Variants in CDKAL1 observed in about 807,000 individuals in gnomAD.
CDKAL1 encodes CDKAL1 threonylcarbamoyladenosine tRNA methylthiotransferase.
Under a neutral mutation model 68.2 loss-of-function variants are expected in CDKAL1, and 32 were observed. The observed-to-expected ratio is 0.47, with a 90% confidence interval of 0.35 to 0.63. CDKAL1 has a LOEUF of 0.63. Ranked by LOEUF, CDKAL1 falls within the 30% of genes least tolerant of loss-of-function variation. CDKAL1 has a pLI of 0.00. For synonymous variants in CDKAL1, 234 were observed against 244.3 expected, an observed-to-expected ratio of 0.96 and a Z score of 0.39; for missense variants, 606 against 696.7, an observed-to-expected ratio of 0.87 and a Z score of 1.47.
intron 8 of CDKAL1, among the ~76,000 whole-genome samples, chr6:20,785,522 A>C (rs1775635174): frequency 6.6e-6 from 1 of 151,956 alleles, no homozygotes; most frequent in Non-Finnish European, 1.5e-5. Context: ...TATATTGGCC[A>C]GGCTGGTCTC....
chr6:20,817,901 A>G (rs1273103102), intron 8 of CDKAL1, among the ~76,000 whole-genome samples: 1 of 152,186 alleles, frequency 6.6e-6, no homozygotes, highest in Admixed American at 6.6e-5. Context: ...GGAATGCTTT[A>G]TGATAATAAT....
intron 13 of CDKAL1, among the ~76,000 whole-genome samples, chr6:21,115,887 T>G (rs1003009549): frequency 2.6e-5 from 4 of 152,182 alleles, no homozygotes; most frequent in South Asian, 4.1e-4. Context: ...GTATCTTCCC[T>G]CTCAAAGTGA....
At chr6:20,941,464 C>T (rs1483615449) in intron 9 of CDKAL1, among the ~76,000 whole-genome samples, 2 of 152,148 alleles carry the variant, frequency 1.3e-5, no homozygotes, top group Admixed American at 6.5e-5. Flanking sequence ...GTCTGTTAAC[C>T]TTTCTGTCAC....
chr6:20,685,277 C>T (rs1770566061), intron 5 of CDKAL1, among the ~76,000 whole-genome samples: 1 of 152,192 alleles, frequency 6.6e-6, no homozygotes, highest in Non-Finnish European at 1.5e-5. Context: ...CATCATATTG[C>T]TTTCGCTCCT....
At chr6:21,142,196 C>T (rs750856186) in intron 13 of CDKAL1, among the ~76,000 whole-genome samples, 1 of 152,092 alleles carries the variant, frequency 6.6e-6, no homozygotes, top group Non-Finnish European at 1.5e-5. Context: ...CCTTCCTTTT[C>T]TCCCCTCTTG....
intron 7 of CDKAL1, among the ~76,000 whole-genome samples, chr6:20,777,886 C>T (rs868604164): frequency 6.6e-6 from 1 of 152,134 alleles, no homozygotes; most frequent in Non-Finnish European, 1.5e-5. Flanking sequence ...TATTACAATA[C>T]ACTGTAATAA....
At position 20,593,972 on chromosome 6, in the gene CDKAL1, G is replaced by A. The variant is rs995672603; in HGVS notation, c.286+45267G>A. On this transcript the variant is annotated intron_variant, in intron 4 of 15. Coordinates refer to ENST00000274695, the MANE Select transcript of CDKAL1 (RefSeq NM_017774.3). ...CAGGAGCAGGTTGTTCAGTTTCCAC[G>A]TAGTTGTGTGGTTTTGAGTGAGTTT... 5.9e-5 allele frequency among the ~76,000 whole-genome samples: 9 copies of A among 152,190 alleles called. No homozygotes were observed. The South Asian group carries it at 6.2e-4, about 10-fold the overall frequency.
intron 9 of CDKAL1, among the ~76,000 whole-genome samples, chr6:20,948,010 CTTT>C (rs541978769): frequency 1.7e-5 from 2 of 115,182 alleles, no homozygotes; most frequent in Admixed American, 9.4e-5. Flanking sequence ...GTGAAGGTCA[CTTT>C]TTTTTTTTTT....
chr6:20,636,060 A>G (rs986673563), intron 4 of CDKAL1, among the ~76,000 whole-genome samples: 3 of 152,076 alleles, frequency 2.0e-5, no homozygotes, highest in African/African-American at 7.2e-5. Context: ...TCCTCTGGGT[A>G]TAGGGAGGGC....
At chr6:21,107,365 C>A (rs915681278) in intron 12 of CDKAL1, among the ~76,000 whole-genome samples, 1 of 152,198 alleles carries the variant, frequency 6.6e-6, no homozygotes, top group Admixed American at 6.5e-5. Context: ...TGCCTGGGTT[C>A]AGCTCAAGAA....
chr6:20,755,803 A>G (rs894641586), intron 6 of CDKAL1, among the ~76,000 whole-genome samples: 1 of 152,198 alleles, frequency 6.6e-6, no homozygotes, highest in East Asian at 1.9e-4. Flanking sequence ...TCATATTTCA[A>G]CTGGTGTCCC....
intron 15 of CDKAL1, among the ~76,000 whole-genome samples, chr6:21,225,878 T>A (rs1779721756): frequency 6.6e-6 from 1 of 152,240 alleles, no homozygotes. Context: ...CAGAATACCA[T>A]GGAATAAGTT....
chr6:20,791,180 CTA>C (rs780051003), intron 8 of CDKAL1, among the ~76,000 whole-genome samples: 7 of 152,178 alleles, frequency 4.6e-5, no homozygotes, highest in Non-Finnish European at 1.0e-4. Flanking sequence ...TTCAACCTCT[CTA>C]TAGGTTTCAG....
intron 12 of CDKAL1, among the ~76,000 whole-genome samples, chr6:21,091,642 G>A (rs1477097692): frequency 6.6e-6 from 1 of 152,054 alleles, no homozygotes; most frequent in Admixed American, 6.5e-5. Flanking sequence ...TTGAGGGCAA[G>A]GGGAATTCAG....
chr6:20,722,506 G>C, intron 5 of CDKAL1: 1 of 331,194 alleles, frequency 3.0e-6, no homozygotes, highest in South Asian at 3.1e-5. Flanking sequence ...GGTTTAGTAT[G>C]CCCACCATAG....
rs184341438 is a variant in CDKAL1, at chr6:21,167,995, G to A, written c.1300-30026G>A. ...TAAACAGCTTTGCAGAACTGGCAAA[G>A]CATTATCGTTTGGCAGTAAACCTGA... On this transcript the variant is annotated intron_variant, in intron 13 of 15. Coordinates refer to ENST00000274695, the MANE Select transcript of CDKAL1 (RefSeq NM_017774.3). Among the ~76,000 whole-genome samples, 3 of 152,180 alleles carry A rather than the reference G, an allele frequency of 2.0e-5. No individual in the cohort carries two copies. In the East Asian group the frequency reaches 5.8e-4, roughly 29 times the overall value.
chr6:20,783,199 G>A (rs1446217735), intron 8 of CDKAL1, among the ~76,000 whole-genome samples: 1 of 12,066 alleles, frequency 8.3e-5, no homozygotes, highest in Non-Finnish European at 1.6e-4. Context: ...AAAAATGTTG[G>A]GATTACAGGC....
Position 20,771,832 on chromosome 6 carries a change from G to A in CDKAL1, c.518-9313G>A, listed in dbSNP as rs79667443. Reference sequence around the variant, plus strand: ...GTGGGCACCCCCTTTGCCTTCTGCCGTGACTGGAGGCTTCCTGAGGCCTTA... The same window carrying A: ...GTGGGCACCCCCTTTGCCTTCTGCCATGACTGGAGGCTTCCTGAGGCCTTA... On this transcript the variant is annotated intron_variant, in intron 7 of 15. Transcript: ENST00000274695. 8.5e-3 allele frequency among the ~76,000 whole-genome samples: 1,298 copies of A among 152,160 alleles called. 15 individuals are homozygous for A. Among genetic ancestry groups the A allele is most frequent in the African/African-American group, 0.029 (1,187 of 41,500 alleles).
At chr6:20,823,398 T>A (rs955689458) in intron 8 of CDKAL1, among the ~76,000 whole-genome samples, 1 of 152,200 alleles carries the variant, frequency 6.6e-6, no homozygotes, top group Non-Finnish European at 1.5e-5. Context: ...AGAATTTAAT[T>A]GAATTGATAC....
Sources: allele counts gnomAD v4.1 joint callset (sites outside exome capture counted in the v4.1 genomes callset), GRCh38; gene constraint gnomAD v4.1.1; transcripts MANE v1.5; gene names NCBI Gene and HGNC (gene_info 2026-07-23, HGNC 2026-07-21).